SMOC2: variants seen among roughly 807,000 people sequenced by gnomAD.
The protein encoded by SMOC2 is SPARC-related modular calcium-binding protein 2.
In SMOC2, 39 loss-of-function variants were observed where a neutral mutation model predicts 61.4. The ratio of observed to expected loss-of-function variants is 0.64; its 90% CI spans 0.49 to 0.83. The LOEUF is 0.83. SMOC2 is among the 40% of genes least tolerant of loss of function. The pLI is 0.00. For missense variants in SMOC2, 556 were observed against 592.9 expected (o/e 0.94, Z 0.65); for synonymous variants, 247 against 239.9 (o/e 1.03, Z -0.27).
chr6:168,590,634 A>G (rs1583137908), intron 7 of SMOC2, among the ~76,000 whole-genome samples: 1 of 152,352 alleles, frequency 6.6e-6, no homozygotes, highest in Admixed American at 6.5e-5. Flanking sequence ...GTCTTGAAAT[A>G]TGGCCAAATA....
chr6:168,599,532 A>T (rs1344507275), intron 8 of SMOC2, among the ~76,000 whole-genome samples: 3 of 15,418 alleles, frequency 1.9e-4, no homozygotes, highest in Non-Finnish European at 2.6e-4. Context: ...ATACCCCCAC[A>T]CACCCACTCA....
chr6:168,518,724 TGA>T (rs769080579), intron 2 of SMOC2, among the ~76,000 whole-genome samples: 107 of 150,194 alleles, frequency 7.1e-4, no homozygotes, highest in African/African-American at 9.6e-4. Flanking sequence ...TATGCTTATG[TGA>T]GTGTGCATGT....
chr6:168,448,376 A>T (rs571330510), intron 1 of SMOC2, among the ~76,000 whole-genome samples: 1 of 146,750 alleles, frequency 6.8e-6, no homozygotes, highest in East Asian at 2.1e-4. Context: ...GGGGAGGAGG[A>T]TGGCAATGGG....
At chr6:168,488,261 G>T (rs1472895754) in intron 1 of SMOC2, among the ~76,000 whole-genome samples, 1 of 152,204 alleles carries the variant, frequency 6.6e-6, no homozygotes, top group African/African-American at 2.4e-5. Context: ...GCAGCTGTCT[G>T]CTCCCATGGC....
At chr6:168,657,668 G>GT (rs1425273182) in intron 11 of SMOC2, among the ~76,000 whole-genome samples, 2 of 152,096 alleles carry the variant, frequency 1.3e-5, no homozygotes, top group African/African-American at 4.8e-5. Flanking sequence ...GAACACAAAC[G>GT]TATTAGCTTA....
intron 7 of SMOC2, among the ~76,000 whole-genome samples, chr6:168,590,985 T>G (rs898978504): frequency 6.6e-6 from 1 of 152,224 alleles, no homozygotes; most frequent in Admixed American, 6.5e-5. Context: ...AACTTAAAAT[T>G]TATAGAAGTA....
intron 1 of SMOC2, among the ~76,000 whole-genome samples, chr6:168,487,612 C>G (rs1375293284): frequency 2.0e-5 from 3 of 152,082 alleles, no homozygotes; most frequent in Admixed American, 6.6e-5. Flanking sequence ...TGAAGCGATT[C>G]TACTGCCTCA....
intron 9 of SMOC2, among the ~76,000 whole-genome samples, chr6:168,625,460 C>T (rs1786380137): frequency 6.6e-6 from 1 of 152,230 alleles, no homozygotes; most frequent in Non-Finnish European, 1.5e-5. Flanking sequence ...TGAAGGTCAG[C>T]TCAAATGCCC....
At chr6:168,558,878 T>C (rs528385915) in intron 7 of SMOC2, among the ~76,000 whole-genome samples, 282 of 149,846 alleles carry the variant, frequency 1.9e-3, no homozygotes, top group African/African-American at 6.2e-3. Context: ...TGCATGTGTG[T>C]GCGTGTGTGC....
At chr6:168,448,302 C>T (rs1781375979) in intron 1 of SMOC2, among the ~76,000 whole-genome samples, 1 of 124,402 alleles carries the variant, frequency 8.0e-6, no homozygotes, top group African/African-American at 4.0e-5. Context: ...GGAACCACTC[C>T]CAGGAGGCTG....
intron 9 of SMOC2, among the ~76,000 whole-genome samples, chr6:168,613,810 C>A (rs1785962807): frequency 2.3e-5 from 3 of 130,546 alleles, no homozygotes; most frequent in Non-Finnish European, 1.6e-5. Flanking sequence ...GGCCTCTTCT[C>A]CTAGAGCCAG....
chr6:168,529,608 T>C (rs1380320330), intron 4 of SMOC2, among the ~76,000 whole-genome samples: 1 of 152,252 alleles, frequency 6.6e-6, no homozygotes, highest in Non-Finnish European at 1.5e-5. Flanking sequence ...CCAGTGTCTA[T>C]GCCAGGGTCA....
At position 168,526,437 on chromosome 6, in the gene SMOC2, C is replaced by A; in HGVS notation, c.348C>A (p.Asp116Glu). 1.9e-6 allele frequency: 3 copies of A among 1,614,050 alleles called. No individual in the cohort carries two copies. Among genetic ancestry groups the A allele is most frequent in the Non-Finnish European group, 2.5e-6 (3 of 1,179,970 alleles). The change falls in exon 3 of 13, where the codon GAC (aspartate) becomes GAA (glutamate). Residue 116 changes from aspartate (D) to glutamate (E), a missense_variant. Asp to Glu is a conservative substitution (Grantham distance 45). Coordinates refer to ENST00000356284, the MANE Select transcript of SMOC2 (RefSeq NM_001166412.2). Reference protein sequence around the residue: ...QQVFIPECNDDGTYSQVQCHS... With the variant: ...QQVFIPECNDEGTYSQVQCHS... ...TGTTCATTCCTGAGTGCAATGACGA[C>A]GGCACCTACAGTCAGGTTACCGGCC...
At chr6:168,618,089 G>C (rs1287950380) in intron 9 of SMOC2, among the ~76,000 whole-genome samples, 1 of 152,250 alleles carries the variant, frequency 6.6e-6, no homozygotes, top group South Asian at 2.1e-4. Flanking sequence ...TAGCCGCAAG[G>C]CTGCCTGCAT....
intron 9 of SMOC2, among the ~76,000 whole-genome samples, chr6:168,618,809 C>T (rs73789153): frequency 6.6e-6 from 1 of 152,152 alleles, no homozygotes; most frequent in Admixed American, 6.5e-5. Flanking sequence ...TATGGGCTCT[C>T]GACGCAGCAG....
chr6:168,612,514 C>T (rs568004280), intron 9 of SMOC2, among the ~76,000 whole-genome samples: 6 of 143,974 alleles, frequency 4.2e-5, no homozygotes, highest in South Asian at 4.5e-4. Flanking sequence ...TGATCTCCAT[C>T]GGGGAGAGGG....
At position 168,472,979 on chromosome 6, in the gene SMOC2, G is replaced by C. The variant is rs73270984; in HGVS notation, c.84+31525G>C. On this transcript the variant is annotated intron_variant, in intron 1 of 12. Transcript: ENST00000356284. ...CTGTGATGCTACAGCACCGGGGAAG[G>C]CTCCGATTCATACAAACCCTCTTCC... Among the ~76,000 whole-genome samples the C allele has an allele frequency of 4.2e-3, 634 of 151,840 alleles. 9 individuals are homozygous for C. Among genetic ancestry groups the C allele is most frequent in the African/African-American group, 0.014 (595 of 41,428 alleles).
chr6:168,624,770 CAGACACAACAATACAGAT>C (rs1786351045), intron 9 of SMOC2, among the ~76,000 whole-genome samples: 1 of 104,918 alleles, frequency 9.5e-6, no homozygotes, highest in African/African-American at 3.6e-5. Context: ...CACATGCACA[CAGACACAACAATACAGAT>C]ACACACAGAC....
chr6:168,607,585 G>T (rs888516511), intron 8 of SMOC2, among the ~76,000 whole-genome samples: 1 of 147,838 alleles, frequency 6.8e-6, no homozygotes, highest in African/African-American at 2.5e-5. Flanking sequence ...CCAGAGAGTC[G>T]TTTTTTTTTT....
Sources: gnomAD v4.1 joint callset for allele counts (sites outside exome capture counted in the v4.1 genomes callset) on GRCh38, gnomAD v4.1.1 for gene constraint, MANE v1.5 for transcripts, NCBI Gene and HGNC (gene_info 2026-07-23, HGNC 2026-07-21) for gene names.